Variants in CFAP61 observed in about 807,000 individuals in gnomAD.
CFAP61 encodes cilia and flagella associated protein 61, also known as cilia- and flagella-associated protein 61.
CFAP61 carries 107 observed loss-of-function variants against 135.6 expected under a neutral mutation model. That is an observed-to-expected ratio of 0.79 (90% CI 0.67 to 0.93). The LOEUF (loss-of-function observed/expected upper bound fraction) is 0.93. Ranked by LOEUF, CFAP61 falls within the 40% of genes least tolerant of loss-of-function variation. CFAP61 has a pLI of 0.00. For missense variants in CFAP61, 1,507 were observed against 1,556.2 expected, an observed-to-expected ratio of 0.97 and a Z score of 0.53; for synonymous variants, 575 against 578.5, an observed-to-expected ratio of 0.99 and a Z score of 0.09.
At chr20:20,228,401 G>A (rs1470475005) in intron 18 of CFAP61, 25 bp downstream of exon 18, 1 of 1,581,856 alleles carries the variant, frequency 6.3e-7, no homozygotes, top group Non-Finnish European at 8.7e-7. Flanking sequence ...TCTATTGATT[G>A]ATTGGTTTTT....
intron 26 of CFAP61, among the ~76,000 whole-genome samples, chr20:20,345,395 C>T (rs1288799203): frequency 1.3e-5 from 2 of 152,200 alleles, no homozygotes; most frequent in East Asian, 3.9e-4. Flanking sequence ...CTATTATGTA[C>T]TCATAATAAT....
chr20:20,211,667 G>A (rs1253675537), intron 17 of CFAP61, among the ~76,000 whole-genome samples: 2 of 152,186 alleles, frequency 1.3e-5, no homozygotes, highest in African/African-American at 4.8e-5. Flanking sequence ...ATAAATTACA[G>A]ACTGTGCCAC....
chr20:20,220,554 A>C (rs1022625920), intron 17 of CFAP61, among the ~76,000 whole-genome samples: 9 of 152,166 alleles, frequency 5.9e-5, no homozygotes, highest in African/African-American at 1.7e-4. Context: ...TGTGGGACTA[A>C]GCCTAGGTAG....
intron 24 of CFAP61, among the ~76,000 whole-genome samples, chr20:20,295,633 C>T (rs2055368910): frequency 6.6e-6 from 1 of 152,180 alleles, no homozygotes; most frequent in African/African-American, 2.4e-5. Context: ...ACATGGCGGT[C>T]ACATTCTTCA....
intron 25 of CFAP61, among the ~76,000 whole-genome samples, chr20:20,330,413 G>A (rs2057937996): frequency 6.6e-6 from 1 of 152,044 alleles, no homozygotes; most frequent in African/African-American, 2.4e-5. Context: ...TCAGCTCACT[G>A]CAACCTCTGC....
chr20:20,200,896 A>G (rs2056584145), intron 17 of CFAP61: 1 of 985,132 alleles, frequency 1.0e-6, no homozygotes, highest in Non-Finnish European at 1.2e-6. Flanking sequence ...TTGCGGGTGC[A>G]CTGAGGGATG....
chr20:20,075,280 G>C (rs200178751), intron 5 of CFAP61, 24 bp downstream of exon 5: 19 of 1,609,812 alleles, frequency 1.2e-5, no homozygotes, highest in Admixed American at 5.0e-5. Context: ...AACCACCTCT[G>C]GTCCCCGGTA....
chr20:20,253,470 T>A, intron 20 of CFAP61: 1 of 361,498 alleles, frequency 2.8e-6, no homozygotes, highest in South Asian at 2.2e-5. Context: ...GCTCTGTGAG[T>A]CTGGCCACAC....
intron 22 of CFAP61, among the ~76,000 whole-genome samples, chr20:20,284,189 C>G (rs6046782): frequency 0.41 from 61,962 of 151,592 alleles, 13,333 homozygotes; most frequent in South Asian, 0.53. Context: ...TTTTCTGTTC[C>G]CCCTTGCCTG....
At chr20:20,308,424 G>A (rs2056606555) in intron 25 of CFAP61, among the ~76,000 whole-genome samples, 2 of 145,012 alleles carry the variant, frequency 1.4e-5, no homozygotes, top group South Asian at 4.6e-4. Flanking sequence ...TGCCAAAGGT[G>A]TACAGATGGG....
At chr20:20,188,722 T>C (rs2146868789) in intron 14 of CFAP61, among the ~76,000 whole-genome samples, 1 of 152,322 alleles carries the variant, frequency 6.6e-6, no homozygotes, top group South Asian at 2.1e-4. Flanking sequence ...GTCACTTTTT[T>C]GATACATTTT....
intron 20 of CFAP61, chr20:20,253,196 C>G (rs1185838309): frequency 6.7e-6 from 1 of 149,264 alleles, no homozygotes; most frequent in East Asian, 1.9e-4. Flanking sequence ...TTTTTTCCTT[C>G]CTTCCTTCCG....
intron 25 of CFAP61, among the ~76,000 whole-genome samples, chr20:20,333,934 G>A (rs1296770426): frequency 6.6e-6 from 1 of 152,138 alleles, no homozygotes; most frequent in African/African-American, 2.4e-5. Flanking sequence ...GGGCTGGTCA[G>A]GATTTCCCTC....
intron 8 of CFAP61, among the ~76,000 whole-genome samples, chr20:20,139,980 T>C (rs1489681047): frequency 4.6e-5 from 7 of 152,178 alleles, no homozygotes; most frequent in African/African-American, 1.7e-4. Flanking sequence ...TACATTAAAA[T>C]AGGTAGTTAC....
At chr20:20,068,188 G>A (rs900008874) in intron 2 of CFAP61, among the ~76,000 whole-genome samples, 4 of 152,192 alleles carry the variant, frequency 2.6e-5, no homozygotes, top group Non-Finnish European at 5.9e-5. Flanking sequence ...TGGCTGCGCT[G>A]TCCCAAATTC....
intron 8 of CFAP61, among the ~76,000 whole-genome samples, chr20:20,138,084 T>C (rs1259766738): frequency 1.3e-5 from 2 of 152,078 alleles, no homozygotes; most frequent in African/African-American, 4.8e-5. Context: ...CTTGTGACTC[T>C]GCCAGGTGCC....
intron 13 of CFAP61, among the ~76,000 whole-genome samples, chr20:20,180,786 A>C (rs2055007799): frequency 6.6e-6 from 1 of 152,226 alleles, no homozygotes; most frequent in Non-Finnish European, 1.5e-5. Flanking sequence ...GTGGATAAAG[A>C]AAATGTGGTA....
chr20:20,306,118 G>A (rs1159019826), intron 25 of CFAP61, among the ~76,000 whole-genome samples: 1 of 152,150 alleles, frequency 6.6e-6, no homozygotes, highest in Non-Finnish European at 1.5e-5. Flanking sequence ...TGGCATTTGT[G>A]TGGAAGTAAC....
At position 20,126,241 on chromosome 20, in the gene CFAP61, G is replaced by A. The variant is rs142029990; in HGVS notation, c.860-16616G>A. 4.7e-4 allele frequency among the ~76,000 whole-genome samples: 72 copies of A among 151,838 alleles called. 1 individual carries two copies. Among genetic ancestry groups the A allele is most frequent in the African/African-American group, 1.6e-3 (66 of 41,168 alleles). On this transcript the variant is annotated intron_variant, in intron 8 of 26. Coordinates refer to ENST00000245957, the MANE Select transcript of CFAP61 (RefSeq NM_015585.4). ...TGAGATGTGAGGTACCATTACATTCGTAATGTTATTTGTTGTCTGTGTTCC... is the reference window on the plus strand; with the variant it reads ...TGAGATGTGAGGTACCATTACATTCATAATGTTATTTGTTGTCTGTGTTCC...
Sources: gnomAD v4.1 joint callset for allele counts (sites outside exome capture counted in the v4.1 genomes callset) on GRCh38, gnomAD v4.1.1 for gene constraint, MANE v1.5 for transcripts, NCBI Gene and HGNC (gene_info 2026-07-23, HGNC 2026-07-21) for gene names.